ECHDC1: variants seen among roughly 807,000 people sequenced by gnomAD.
ECHDC1 encodes ethylmalonyl-CoA decarboxylase 1, also known as ethylmalonyl-CoA decarboxylase.
Under a neutral mutation model 29.7 loss-of-function variants are expected in ECHDC1, and 29 were observed. The ratio of observed to expected loss-of-function variants is 0.98; its 90% CI spans 0.73 to 1.33. The LOEUF is 1.33. Among genes scored for constraint, ECHDC1 ranks in the 40% most tolerant of loss-of-function variants. The pLI, the probability that ECHDC1 is intolerant of heterozygous loss-of-function variation, is 0.00. For synonymous variants in ECHDC1, 126 were observed against 123.1 expected (o/e 1.02, Z -0.15); for missense variants, 328 against 350.0 (o/e 0.94, Z 0.50).
intron 5 of ECHDC1, among the ~76,000 whole-genome samples, chr6:127,296,913 G>T (rs981718177): frequency 6.6e-6 from 1 of 152,108 alleles, no homozygotes; most frequent in African/African-American, 2.4e-5. Context: ...GCTGAGGTGG[G>T]AGGATGACTT....
intron 5 of ECHDC1, among the ~76,000 whole-genome samples, chr6:127,312,240 T>C (rs1782004364): frequency 6.6e-6 from 1 of 152,088 alleles, no homozygotes; most frequent in Non-Finnish European, 1.5e-5. Context: ...AGTTTAATAA[T>C]AATAAGACAA....
intron 5 of ECHDC1, chr6:127,294,529 ATTG>A (rs1418849733): frequency 6.6e-6 from 1 of 152,168 alleles, no homozygotes; most frequent in Non-Finnish European, 1.5e-5. Context: ...GTCTCAGATG[ATTG>A]GCTTCATGAG....
At chr6:127,331,293 C>T (rs577936011) in intron 1 of ECHDC1, among the ~76,000 whole-genome samples, 2 of 152,014 alleles carry the variant, frequency 1.3e-5, no homozygotes, top group East Asian at 1.9e-4. Flanking sequence ...CTACAGGCAC[C>T]CATGACCACG....
chr6:127,338,324 T>G (rs1784614066), intron 1 of ECHDC1, among the ~76,000 whole-genome samples: 1 of 152,120 alleles, frequency 6.6e-6, no homozygotes, highest in Admixed American at 6.5e-5. Context: ...CAAAAATAAC[T>G]CAAATATCTA....
At chr6:127,306,444 T>C (rs531223719) in intron 5 of ECHDC1, among the ~76,000 whole-genome samples, 1 of 152,306 alleles carries the variant, frequency 6.6e-6, no homozygotes. Flanking sequence ...CCTAATGTTG[T>C]AGGAGGAGGT....
intron 2 of ECHDC1, among the ~76,000 whole-genome samples, chr6:127,328,595 T>G (rs1783582793): frequency 6.6e-6 from 1 of 152,256 alleles, no homozygotes; most frequent in Non-Finnish European, 1.5e-5. Context: ...AAGGATGTCC[T>G]AGATCCTTTA....
chr6:127,326,524 G>C (rs1220595630), intron 3 of ECHDC1: 1 of 453,170 alleles, frequency 2.2e-6, no homozygotes, highest in Admixed American at 2.4e-5. Flanking sequence ...TAATAAAAGG[G>C]GAAACTGGAT....
chr6:127,305,888 G>C (rs927566152), intron 5 of ECHDC1, among the ~76,000 whole-genome samples: 9 of 151,396 alleles, frequency 5.9e-5, no homozygotes, highest in African/African-American at 2.2e-4. Flanking sequence ...AGAAAAGAAA[G>C]AGAAGACCAC....
In ECHDC1 at chr6:127,292,534, T is replaced by C. The variant is rs561558069; in HGVS notation, c.498-2257A>G. Among the ~76,000 whole-genome samples, 141 of 152,066 alleles carry C rather than the reference T, an allele frequency of 9.3e-4. 2 individuals are homozygous for C. Among genetic ancestry groups the C allele is most frequent in the African/African-American group, 3.3e-3 (137 of 41,558 alleles). On this transcript the variant is annotated intron_variant, in intron 5 of 5. Transcript: ENST00000454859. ...TGATATACATTAAATATATATTAAATAAATATGACCAAAAAATTCATTGGT... is the reference window on the plus strand; with the variant it reads ...TGATATACATTAAATATATATTAAACAAATATGACCAAAAAATTCATTGGT...
intron 1 of ECHDC1, among the ~76,000 whole-genome samples, chr6:127,332,727 A>G (rs1487036518): frequency 6.6e-6 from 1 of 152,172 alleles, no homozygotes; most frequent in Non-Finnish European, 1.5e-5. Context: ...CATAAACAAT[A>G]GGGCAGAGGA....
chr6:127,322,189 C>G (rs1035402175), intron 3 of ECHDC1, among the ~76,000 whole-genome samples: 1 of 152,036 alleles, frequency 6.6e-6, no homozygotes, highest in Non-Finnish European at 1.5e-5. Context: ...GCCTGTAATC[C>G]CAGCTACTTA....
rs116897803 is a variant in ECHDC1, at chr6:127,316,322, T to C, written c.416+128A>G. ...GATTATCCTCTACGGCACAAAAAAA[T>C]AGTACATCATTAGAATAGATGTAAT... is the stretch of plus-strand genomic sequence containing the variant. On this transcript the variant is annotated intron_variant, in intron 4 of 5. Coordinates refer to ENST00000454859, the MANE Select transcript of ECHDC1 (RefSeq NM_001002030.2). 379 of 721,670 alleles carry C rather than the reference T, an allele frequency of 5.3e-4. 2 individuals are homozygous for C. The East Asian group carries it at 9.5e-3, about 18-fold the overall frequency. 44.7% of individuals were successfully genotyped at this position (721,670 alleles called of 1,614,324 possible).
At chr6:127,308,494 T>C (rs963918523) in intron 5 of ECHDC1, among the ~76,000 whole-genome samples, 2 of 152,114 alleles carry the variant, frequency 1.3e-5, no homozygotes, top group African/African-American at 2.4e-5. Context: ...AGAAGGAACA[T>C]ACATCAACAT....
chr6:127,313,026 G>A (rs1220840737), intron 5 of ECHDC1: 3 of 152,076 alleles, frequency 2.0e-5, no homozygotes, highest in Admixed American at 2.0e-4. Context: ...TTGAAATAGA[G>A]ATATGAACTG....
At chr6:127,299,581 C>G (rs1204858024) in intron 5 of ECHDC1, among the ~76,000 whole-genome samples, 1 of 151,712 alleles carries the variant, frequency 6.6e-6, no homozygotes, top group Admixed American at 6.6e-5. Context: ...AGTGCTATTA[C>G]AAAAGAATAA....
chr6:127,335,887 G>A (rs1784387339), intron 1 of ECHDC1, among the ~76,000 whole-genome samples: 1 of 151,996 alleles, frequency 6.6e-6, no homozygotes, highest in Admixed American at 6.6e-5. Flanking sequence ...TATAACTTAT[G>A]AGACATCCTT....
At chr6:127,294,830 G>A (rs1308004794) in intron 5 of ECHDC1, 2 of 139,794 alleles carry the variant, frequency 1.4e-5, no homozygotes, top group Non-Finnish European at 3.1e-5. Context: ...TCAGAGTAAA[G>A]TTACTTCCAA....
At chr6:127,300,241 A>T (rs1445054160) in intron 5 of ECHDC1, among the ~76,000 whole-genome samples, 1 of 152,240 alleles carries the variant, frequency 6.6e-6, no homozygotes, top group Non-Finnish European at 1.5e-5. Context: ...AGCACTTTTC[A>T]CTGGCAATCA....
chr6:127,331,030 T>G lies in ECHDC1; in HGVS notation c.-2A>C. On this transcript the variant is annotated splice_region_variant and 5_prime_UTR_variant, in exon 2 of 6. Coordinates refer to ENST00000454859, the MANE Select transcript of ECHDC1 (RefSeq NM_001002030.2). ...TGTCTTCAAAAGACTTTTCGCCATTTCTGGAAAACAGAAATAAGTATGCGG... is the reference window on the plus strand; with the variant it reads ...TGTCTTCAAAAGACTTTTCGCCATTGCTGGAAAACAGAAATAAGTATGCGG... 6.2e-7 allele frequency: 1 copy of G among 1,611,752 alleles called. No individual in the cohort carries two copies. The highest frequency in any genetic ancestry group is 2.2e-5 in the East Asian group (1 of 44,868).
Sources: gnomAD v4.1 joint callset for allele counts (sites outside exome capture counted in the v4.1 genomes callset) on GRCh38, gnomAD v4.1.1 for gene constraint, MANE v1.5 for transcripts, NCBI Gene and HGNC (gene_info 2026-07-23, HGNC 2026-07-21) for gene names.